The following TOMT variants were observed in gnomAD, a reference collection of about 807,000 sequenced individuals.
TOMT encodes transmembrane O-methyltransferase.
Under a neutral mutation model 21.7 loss-of-function variants are expected in TOMT, and 23 were observed. The observed-to-expected ratio is 1.06, with a 90% CI of 0.76 to 1.50. TOMT has a LOEUF of 1.50. Ranked by LOEUF, TOMT falls within the 40% of genes most tolerant of loss-of-function variation. The pLI is 0.00. For missense variants in TOMT, 331 were observed against 348.7 expected (o/e 0.95, Z 0.41); for synonymous variants, 132 against 150.8 (o/e 0.88, Z 0.91).
chr11:72,108,166 T>C, intron 2 of TOMT, 47 bp downstream of exon 2: 1 of 1,415,434 alleles, frequency 7.1e-7, no homozygotes, highest in Non-Finnish European at 9.4e-7. Flanking sequence ...CCCCAGGCCT[T>C]GCCCCCAGAC....
intron 1 of TOMT, chr11:72,106,953 A>G (rs1292921828): frequency 1.3e-5 from 2 of 155,088 alleles, no homozygotes; most frequent in African/African-American, 4.9e-5. Flanking sequence ...AAAAAAAAAA[A>G]AAAAGAAAAA....
exon 3 of TOMT, chr11:72,108,970 C>T: frequency 6.9e-7 from 1 of 1,440,420 alleles, no homozygotes; most frequent in Non-Finnish European, 9.2e-7. Flanking sequence ...CCCACCCCCA[C>T]CCAAGCAGGG....
chr11:72,106,457 A>G (rs1390143654), intron 1 of TOMT: 1 of 401,110 alleles, frequency 2.5e-6, no homozygotes, highest in Non-Finnish European at 4.4e-6. Context: ...ACAGAGATGA[A>G]TGAGCCACAA....
At chr11:72,108,818 G>T in exon 3 of TOMT, 2 of 1,550,618 alleles carry the variant, frequency 1.3e-6, no homozygotes, top group Non-Finnish European at 1.7e-6. Context: ...CTTGCAGTAT[G>T]CTAAGAGCTG....
At chr11:72,108,306 G>T (rs1433611060) in intron 2 of TOMT, among the ~76,000 whole-genome samples, 187 bp downstream of exon 2, 1 of 152,176 alleles carries the variant, frequency 6.6e-6, no homozygotes, top group African/African-American at 2.4e-5. Flanking sequence ...GCCGGATGAC[G>T]AAAGAAACAG....
chr11:72,109,594 T>A, downstream of TOMT: 1 of 546,120 alleles, frequency 1.8e-6, no homozygotes, highest in Non-Finnish European at 3.3e-6. Flanking sequence ...GGGTGGAAAA[T>A]CACTCCTTTG....
chr11:72,107,630 T>A (rs1197503592), intron 1 of TOMT: 2 of 643,196 alleles, frequency 3.1e-6, no homozygotes, highest in African/African-American at 3.6e-5. Context: ...TAGGATCAGG[T>A]CCAAGGTCCT....
At chr11:72,107,863 T>C (rs939088804) in intron 1 of TOMT, 60 bp from the exon 2 acceptor site, 1 of 1,537,514 alleles carries the variant, frequency 6.5e-7, no homozygotes, top group Non-Finnish European at 8.8e-7. Flanking sequence ...TGAGATATCT[T>C]TTATCAGGGG....
rs1288510412 is a variant in TOMT at position 72,108,024 on chromosome 11, C to G, written c.361C>G (p.Pro121Ala). 2 of 1,551,568 alleles carry G rather than the reference C, an allele frequency of 1.3e-6. No individual in the cohort carries two copies. The highest frequency in any genetic ancestry group is 2.4e-5 in the East Asian group (1 of 40,926). ...TACCCTGCTTATTGCCCGAGCCCTG[C>G]CCCCTGGGGGTCGCCTTCTTACTGT... The change falls in exon 2 of 3, where the codon CCC becomes GCC. Residue 121 changes from proline to alanine, a missense_variant. By Grantham distance (27) the Pro-to-Ala change is conservative. Transcript: ENST00000541899.
intron 1 of TOMT, chr11:72,107,593 C>T (rs1326524014): frequency 1.4e-6 from 1 of 691,032 alleles, no homozygotes; most frequent in East Asian, 2.7e-5. Context: ...GTGGGAAGTA[C>T]TGAGAGATGA....
At chr11:72,108,033 G>A (rs1483313442) in exon 2 of TOMT, 2 of 1,551,550 alleles carry the variant, frequency 1.3e-6, no homozygotes, top group East Asian at 2.4e-5. Flanking sequence ...GCCCCCTGGG[G>A]GTCGCCTTCT....
intron 2 of TOMT, among the ~76,000 whole-genome samples, chr11:72,108,353 T>G (rs1029755003): frequency 1.2e-4 from 18 of 152,160 alleles, no homozygotes; most frequent in Non-Finnish European, 2.4e-4. Flanking sequence ...CAAATTTGGG[T>G]CCAGCTCTTA....
exon 2 of TOMT, chr11:72,107,967 G>C (rs1188631490): frequency 1.9e-6 from 3 of 1,551,724 alleles, no homozygotes; most frequent in South Asian, 2.4e-5. Flanking sequence ...CCCTGCTTGT[G>C]TGCTGGAATT....
intron 2 of TOMT, 94 bp downstream of exon 2, chr11:72,108,213 G>A (rs1334923943): frequency 8.8e-7 from 1 of 1,140,674 alleles, no homozygotes; most frequent in Non-Finnish European, 1.2e-6. Flanking sequence ...GGAGAAGGAA[G>A]CACCTCCACT....
chr11:72,107,529 A>T, intron 1 of TOMT: 1 of 702,872 alleles, frequency 1.4e-6, no homozygotes, highest in Non-Finnish European at 2.6e-6. Flanking sequence ...GGAATGAGAC[A>T]GCTTGATGGA....
In TOMT at chr11:72,108,000, A is replaced by T. The variant is rs1945870388; in HGVS notation, c.337A>T (p.Thr113Ser). ...ATTGGGAACCTACTGTGGATACTCT[A>T]CCCTGCTTATTGCCCGAGCCCTGCC... Residue 113 changes from threonine (T) to serine (S), a missense_variant, in exon 2 of 3, where the codon ACC becomes TCC. Thr to Ser is a moderately conservative substitution (Grantham distance 58, BLOSUM62 1). Coordinates refer to ENST00000541899, the Ensembl canonical transcript of TOMT. 4 of 1,551,524 alleles carry T rather than the reference A, an allele frequency of 2.6e-6. No homozygotes were observed. The African/African-American group carries it at 4.1e-5, about 16-fold the overall frequency.
At chr11:72,107,538 G>A (rs952680433) in intron 1 of TOMT, 1 of 702,716 alleles carries the variant, frequency 1.4e-6, no homozygotes, top group African/African-American at 1.7e-5. Flanking sequence ...CAGCTTGATG[G>A]ATTCTGGGCA....
chr11:72,109,509 G>A, downstream of TOMT: 1 of 390,938 alleles, frequency 2.6e-6, no homozygotes, highest in Non-Finnish European at 4.9e-6. Context: ...GATGTCCCTT[G>A]AGTGCCCTCT....
intron 1 of TOMT, 98 bp from the exon 2 acceptor site, chr11:72,107,825 G>A (rs1945840402): frequency 7.4e-7 from 1 of 1,356,420 alleles, no homozygotes; most frequent in Non-Finnish European, 1.0e-6. Context: ...CCGGCTGGTT[G>A]GGAGCTGCAG....
Sources: gnomAD v4.1 joint callset for allele counts (sites outside exome capture counted in the v4.1 genomes callset) on GRCh38, gnomAD v4.1.1 for gene constraint, MANE v1.5 for transcripts, NCBI Gene and HGNC (gene_info 2026-07-23, HGNC 2026-07-21) for gene names.